ATG4D: variants seen among roughly 807,000 people sequenced by gnomAD.
ATG4D encodes the protein cysteine protease ATG4D.
In ATG4D, 51 loss-of-function variants were observed where a neutral mutation model predicts 55.2. The observed-to-expected ratio is 0.92, with a 90% CI of 0.74 to 1.17. ATG4D has a LOEUF of 1.17. Ranked by LOEUF, ATG4D falls within the 50% of genes most tolerant of loss-of-function variation. ATG4D has a pLI of 0.00. For synonymous variants in ATG4D, 268 were observed against 266.2 expected (o/e 1.01, Z -0.07); for missense variants, 635 against 649.6 (o/e 0.98, Z 0.25).
intron 5 of ATG4D, 47 bp downstream of exon 5, chr19:10,547,300 ACT>A: frequency 6.3e-7 from 1 of 1,593,242 alleles, no homozygotes; most frequent in Non-Finnish European, 8.6e-7. Context: ...CCTGAGCCAG[ACT>A]CTGCCTTACC....
chr19:10,552,370 AGGGCTG>A, intron 9 of ATG4D, 46 bp downstream of exon 9: 1 of 1,557,412 alleles, frequency 6.4e-7, no homozygotes, highest in Non-Finnish European at 8.7e-7. Context: ...GCGGTTGGGC[AGGGCTG>A]GGGGTGAAAG....
rs758776289 is a variant in ATG4D at position 10,546,968 on chromosome 19, A to G, written c.623A>G (p.Gln208Arg). The G allele has an allele frequency of 3.2e-5, 52 of 1,608,628 alleles. 1 individual carries two copies. In the Middle Eastern group the frequency reaches 6.7e-4, roughly 21 times the overall value. ...RWAQGAPELE[Q>R]ERRHRQIVSW... ...GCCCAGGGTGCCCCTGAGCTGGAGCAGGAACGCCGGCACCGGCAGATTGTG... is the reference window on the plus strand; with the variant it reads ...GCCCAGGGTGCCCCTGAGCTGGAGCGGGAACGCCGGCACCGGCAGATTGTG... The change falls in exon 4 of 10, where the codon CAG becomes CGG. Residue 208 changes from glutamine to arginine, a missense_variant. By Grantham distance (43) the Gln-to-Arg change is conservative. Transcript: ENST00000309469.
chr19:10,551,693 G>C (rs1916239145), intron 6 of ATG4D, among the ~76,000 whole-genome samples: 1 of 100,506 alleles, frequency 9.9e-6, no homozygotes, highest in African/African-American at 3.7e-5. Flanking sequence ...GTGAGACTCC[G>C]TCTCAAAAAA....
intron 6 of ATG4D, 51 bp downstream of exon 6, chr19:10,549,085 T>A: frequency 6.2e-7 from 1 of 1,605,810 alleles, no homozygotes; most frequent in Non-Finnish European, 8.5e-7. Context: ...CCTCCAGACT[T>A]GTTTAGTTTG....
intron 6 of ATG4D, among the ~76,000 whole-genome samples, chr19:10,551,367 C>CAGG (rs1475882897): frequency 6.6e-6 from 1 of 151,792 alleles, no homozygotes; most frequent in Non-Finnish European, 1.5e-5. Context: ...GAGGCTGAGG[C>CAGG]AGGAGAACTG....
chr19:10,545,226 C>A, intron 3 of ATG4D, 96 bp downstream of exon 3: 1 of 1,461,158 alleles, frequency 6.8e-7, no homozygotes, highest in Non-Finnish European at 9.2e-7. Context: ...TTCAAAGTCA[C>A]GTTAGAATTG....
At chr19:10,548,844 G>A (rs2144690714) in intron 5 of ATG4D, 60 bp from the exon 6 acceptor site, 6 of 1,588,786 alleles carry the variant, frequency 3.8e-6, no homozygotes, top group Non-Finnish European at 5.2e-6. Flanking sequence ...GGGGTTAGAG[G>A]GCTACGCTGG....
At position 10,553,178 on chromosome 19, in the gene ATG4D, C is replaced by G; in HGVS notation, c.*111C>G. 1.5e-6 allele frequency: 2 copies of G among 1,343,572 alleles called. No homozygotes were observed. Among genetic ancestry groups the G allele is most frequent in the Non-Finnish European group, 2.0e-6 (2 of 1,007,226 alleles). The allele number at this position is 1,343,572 out of a possible 1,614,324, so 83.2% of individuals were successfully genotyped here. A position where few individuals can be genotyped will look rare whatever the true frequency, so the allele number is the denominator to read the frequency against. On this transcript the variant is annotated 3_prime_UTR_variant, in exon 10 of 10. Coordinates refer to ENST00000309469, the MANE Select transcript of ATG4D (RefSeq NM_032885.6). ...ATGATGGTACTTCCTGTTGTCAGCC[C>G]CTCAAGCCCAGCTGCAACCAGTCTG...
At chr19:10,549,286 C>T (rs1424513878) in intron 6 of ATG4D, among the ~76,000 whole-genome samples, 1 of 151,964 alleles carries the variant, frequency 6.6e-6, no homozygotes, top group Non-Finnish European at 1.5e-5. Context: ...ACCACGACCA[C>T]CTAATTTTGT....
Position 10,552,915 on chromosome 19 carries a change from T to C in ATG4D, c.1273T>C (p.Tyr425His). 1.2e-6 allele frequency: 2 copies of C among 1,613,002 alleles called. No individual in the cohort carries two copies. The highest frequency in any genetic ancestry group is 1.7e-6 in the Non-Finnish European group (2 of 1,179,702). Residue 425 changes from tyrosine (Y) to histidine (H), a missense_variant, in exon 10 of 10, where the codon TAC (tyrosine) becomes CAC (histidine). Tyr to His is a moderately conservative substitution (Grantham distance 83, BLOSUM62 2). Transcript: ENST00000309469. ...CAGCTCCTCCTCAGCCACAGAGCGG[T>C]ACCCCATGTTCACCCTGGCCGAGGG... ...VLSSSSATER[Y>H]PMFTLAEGHA...
chr19:10,548,003 ATTTTTTTTTTTTTTTTTTTTTTTTTTTTT>A lies in ATG4D; in HGVS notation c.835+767_835+795del, dbSNP rs60924749. ...TGAGCCACTGTGCCCAGCCCCTGTAATTTTTTTTTTTTTTTTTTTTTTTTTTTTTTTTTTTTTTTTTTTTTGAGACAGAG... is the reference window on the plus strand; with the variant it reads ...TGAGCCACTGTGCCCAGCCCCTGTAATTTTTTTTTTTTTTTTGAGACAGAG... On this transcript the variant is annotated intron_variant, in intron 5 of 9. Transcript: ENST00000309469. Among the ~76,000 whole-genome samples the A allele has an allele frequency of 4.4e-3, 154 of 34,994 alleles. 1 individual carries two copies. Among genetic ancestry groups the A allele is most frequent in the Middle Eastern group, 0.021 (1 of 48 alleles). 23.0% of individuals were successfully genotyped at this position (34,994 alleles called of 152,430 possible).
chr19:10,547,386 G>A, intron 5 of ATG4D, 133 bp downstream of exon 5: 1 of 1,074,894 alleles, frequency 9.3e-7, no homozygotes, highest in Non-Finnish European at 1.3e-6. Flanking sequence ...AAGGATGCAA[G>A]GCCTGTGCAG....
Position 10,546,947 on chromosome 19 carries a change from A to C in ATG4D, c.602A>C (p.Gln201Pro). 1 of 1,611,862 alleles carries C rather than the reference A, an allele frequency of 6.2e-7. No homozygotes were observed. Among genetic ancestry groups the C allele is most frequent in the Non-Finnish European group, 8.5e-7 (1 of 1,179,380 alleles). Residue 201 changes from glutamine to proline, a missense_variant, in exon 4 of 10, where the codon CAG becomes CCG. By Grantham distance (76) the Gln-to-Pro change is moderately conservative (BLOSUM62 -1). Transcript: ENST00000309469. ...PARWMPPRWA[Q>P]GAPELEQERR... is the part of the protein sequence containing the mutation. The stretch of plus-strand genomic sequence containing the variant: ...CGCTGGATGCCCCCACGCTGGGCCC[A>C]GGGTGCCCCTGAGCTGGAGCAGGAA...
chr19:10,553,277 G>A lies in ATG4D; in HGVS notation c.*210G>A. ...CCACCAGCGGGGCCCTCCTGGCAGG[G>A]TAGGGAAGGAGGACCCCGGGCACCC... On this transcript the variant is annotated 3_prime_UTR_variant, in exon 10 of 10. Transcript: ENST00000309469. 1 of 631,710 alleles carries A rather than the reference G, an allele frequency of 1.6e-6. No individual in the cohort carries two copies. Among genetic ancestry groups the A allele is most frequent in the Admixed American group, 3.1e-5 (1 of 32,236 alleles). 39.1% of individuals were successfully genotyped at this position (631,710 alleles called of 1,614,324 possible). A position where few individuals can be genotyped will look rare whatever the true frequency, so the allele number is the denominator to read the frequency against.
rs1347167708 is a variant in ATG4D at position 10,544,968 on chromosome 19, C to T, written c.331C>T (p.Arg111Cys). The change falls in exon 3 of 10, where the codon CGT (arginine) becomes TGT (cysteine). Residue 111 changes from arginine to cysteine, a missense_variant. Arg to Cys is a radical substitution (Grantham distance 180). Transcript: ENST00000309469. ...ACCCGCTCTTGTAGGTGACATACAG[C>T]GTTTCCAGCGGGACTTTGTGTCCCG... Reference protein sequence around the residue: ...YRFEGEGDIQRFQRDFVSRLW... With the variant: ...YRFEGEGDIQCFQRDFVSRLW... 5.0e-6 allele frequency: 8 copies of T among 1,590,572 alleles called. No individual in the cohort carries two copies. Among genetic ancestry groups the T allele is most frequent in the Non-Finnish European group, 6.0e-6 (7 of 1,167,678 alleles).
rs541140899 is a variant in ATG4D, at chr19:10,551,799, C to G, written c.967-98C>G. On this transcript the variant is annotated intron_variant, in intron 6 of 9. Transcript: ENST00000309469. Reference sequence around the variant, plus strand: ...GGCAAGGGTTTTGTGGTCTTGATCACTGCTGCCCTCCAGAGGCTGGGTTCT... The same window carrying G: ...GGCAAGGGTTTTGTGGTCTTGATCAGTGCTGCCCTCCAGAGGCTGGGTTCT... The G allele has an allele frequency of 5.1e-5, 57 of 1,126,166 alleles. No homozygotes were observed. In the South Asian group the frequency reaches 6.9e-4, roughly 14 times the overall value. 69.8% of individuals were successfully genotyped at this position (1,126,166 alleles called of 1,614,324 possible).
chr19:10,552,678 A>G (rs1916313661), intron 9 of ATG4D, among the ~76,000 whole-genome samples: 1 of 152,192 alleles, frequency 6.6e-6, no homozygotes, highest in South Asian at 2.1e-4. Flanking sequence ...CAGGTTTTGC[A>G]GCAAAAATCC....
rs143912128 is a variant in ATG4D at position 10,553,374 on chromosome 19, G to A, written c.*307G>A. 2,774 of 300,208 alleles carry A rather than the reference G, an allele frequency of 9.2e-3. 62 individuals are homozygous for A. Among genetic ancestry groups the A allele is most frequent in the African/African-American group, 0.053 (2,525 of 47,474 alleles). 18.6% of individuals were successfully genotyped at this position (300,208 alleles called of 1,614,324 possible). A position where few individuals can be genotyped will look rare whatever the true frequency, so the allele number is the denominator to read the frequency against. On this transcript the variant is annotated 3_prime_UTR_variant, in exon 10 of 10. Transcript: ENST00000309469. Reference sequence around the variant, plus strand: ...GCCCTCCCTGTCCCAAAGCCCCCTTGGGGGAACTGTGGCTGCTGGGGGCCA... The same window carrying A: ...GCCCTCCCTGTCCCAAAGCCCCCTTAGGGGAACTGTGGCTGCTGGGGGCCA...
At chr19:10,545,669 A>T (rs1916009758) in intron 3 of ATG4D, among the ~76,000 whole-genome samples, 2 of 150,782 alleles carry the variant, frequency 1.3e-5, no homozygotes, top group African/African-American at 4.9e-5. Context: ...TGAGGTCAGG[A>T]GTTCAAGACC....
Sources: gnomAD v4.1 joint callset for allele counts (sites outside exome capture counted in the v4.1 genomes callset) on GRCh38, gnomAD v4.1.1 for gene constraint, MANE v1.5 for transcripts, NCBI Gene and HGNC (gene_info 2026-07-23, HGNC 2026-07-21) for gene names.